PIEZO1: variants seen among roughly 807,000 people sequenced by gnomAD.
The protein encoded by PIEZO1 is piezo-type mechanosensitive ion channel component 1.
In PIEZO1, 296 loss-of-function variants were observed where a neutral mutation model predicts 297.2. That is an observed-to-expected ratio of 1.00 (90% CI 0.91 to 1.10). The LOEUF (loss-of-function observed/expected upper bound fraction) is 1.10. PIEZO1 is among the 50% of genes least tolerant of loss of function. The probability of loss-of-function intolerance (pLI) is 0.00; values close to 1 mark genes in which losing one functional copy is unlikely to be tolerated. For missense variants in PIEZO1, 5,018 were observed against 3,455.5 expected (o/e 1.45, Z -11.34); for synonymous variants, 2,427 against 1,507.5 (o/e 1.61, Z -14.13).
At chr16:88,774,121 G>A (rs1308753182) in intron 1 of PIEZO1, among the ~76,000 whole-genome samples, 1 of 152,224 alleles carries the variant, frequency 6.6e-6, no homozygotes, top group Admixed American at 6.5e-5. Context: ...CTGGGTGGGC[G>A]TGGCCTGAGC....
chr16:88,760,281 T>G (rs1033482252), intron 1 of PIEZO1, among the ~76,000 whole-genome samples: 8 of 152,026 alleles, frequency 5.3e-5, no homozygotes, highest in Non-Finnish European at 1.2e-4. Context: ...TCCATCCCAA[T>G]CCACCCCAAG....
rs561796245 is a variant in PIEZO1, at chr16:88,723,028, G to A, written c.4496-19C>T. ...CTCCGGCCTGCGGGAGGGCGGGAGG[G>A]GGCGCTGGAGGGGCAGCCTGTGGGG... On this transcript the variant is annotated intron_variant, in intron 33 of 50. Coordinates refer to ENST00000301015, the MANE Select transcript of PIEZO1 (RefSeq NM_001142864.4). 5 of 1,543,254 alleles carry A rather than the reference G, an allele frequency of 3.2e-6. No individual in the cohort carries two copies. Among genetic ancestry groups the A allele is most frequent in the African/African-American group, 2.7e-5 (2 of 73,060 alleles).
At chr16:88,736,813 CTG>C (rs2142828793) in intron 10 of PIEZO1, 74 bp from the exon 11 acceptor site, 1 of 926,146 alleles carries the variant, frequency 1.1e-6, no homozygotes, top group African/African-American at 1.7e-5. Context: ...GCCCTAAAAT[CTG>C]GGCCCTGGGC....
At chr16:88,726,679 C>G in intron 25 of PIEZO1, 36 bp from the exon 26 acceptor site, 3 of 1,546,712 alleles carry the variant, frequency 1.9e-6, no homozygotes, top group African/African-American at 2.7e-5. Context: ...CCAGCGGGGC[C>G]CCAGGGCGGT....
Position 88,737,785 on chromosome 16 carries a change from A to C in PIEZO1, c.1050T>G (p.Ala350=), listed in dbSNP as rs1436517520. The change falls in exon 9 of 51, where the codon GCT becomes GCG. Residue 350 remains alanine, a synonymous_variant. Coordinates refer to ENST00000301015, the MANE Select transcript of PIEZO1 (RefSeq NM_001142864.4). ...QRKEAAKGYE[A]RELELAELDQ... ...CCAGCTCTGCTAGCTCCAGCTCCCGAGCCTCATACCCCTTTGCCGCCTCCT... is the reference window on the plus strand; with the variant it reads ...CCAGCTCTGCTAGCTCCAGCTCCCGCGCCTCATACCCCTTTGCCGCCTCCT... The C allele has an allele frequency of 6.5e-7, 1 of 1,535,746 alleles. No individual in the cohort carries two copies. The highest frequency in any genetic ancestry group is 1.2e-5 in the South Asian group (1 of 84,058).
At chr16:88,760,020 G>A (rs983580803) in intron 1 of PIEZO1, among the ~76,000 whole-genome samples, 30 of 151,858 alleles carry the variant, frequency 2.0e-4, no homozygotes, top group African/African-American at 3.1e-4. Context: ...CTCCTTCTCC[G>A]CGCCAATCCC....
Position 88,731,721 on chromosome 16 carries a change from G to C in PIEZO1, c.3181C>G (p.Pro1061Ala), listed in dbSNP as rs748155949. The C allele has an allele frequency of 8.7e-4, 1,344 of 1,549,578 alleles. 1 individual carries two copies. The highest frequency in any genetic ancestry group is 1.1e-3 in the Non-Finnish European group (1,313 of 1,146,804). The change falls in exon 22 of 51, where the codon CCG becomes GCG. Residue 1061 changes from proline (P) to alanine (A), a missense_variant. Pro to Ala is a conservative substitution (Grantham distance 27). Coordinates refer to ENST00000301015, the MANE Select transcript of PIEZO1 (RefSeq NM_001142864.4). ...YQYLLCLGMP[P>A]ALCIDYPWRW... ...TGCCCCTCACCAATGCACAGGGCCG[G>C]GGGCATCCCCAGGCACAGCAGGTAC...
rs549847673 is a variant in PIEZO1, at chr16:88,734,332, C to T, written c.2180+24G>A. On this transcript the variant is annotated intron_variant, in intron 16 of 50. Coordinates refer to ENST00000301015, the MANE Select transcript of PIEZO1 (RefSeq NM_001142864.4). The stretch of plus-strand genomic sequence containing the variant: ...CCAGGAGGCTACACCTCTCCAGGGC[C>T]GGACAGGGAGGGCGGGGCCGCACCT... The T allele has an allele frequency of 6.0e-5, 90 of 1,490,878 alleles. 1 individual carries two copies. In the East Asian group the frequency reaches 1.0e-3, roughly 17 times the overall value. 92.4% of individuals were successfully genotyped at this position (1,490,878 alleles called of 1,614,324 possible). A position where few individuals can be genotyped will look rare whatever the true frequency, so the allele number is the denominator to read the frequency against.
At position 88,784,609 on chromosome 16, in the gene PIEZO1, G is replaced by A. The variant is rs536936505; in HGVS notation, c.64+292C>T. ...GGCCTCCTCTCCGCAGCGCCCCGGC[G>A]GAGACGCCAGCCGCGCTATGCCCGG... On this transcript the variant is annotated intron_variant, in intron 1 of 50. Coordinates refer to ENST00000301015, the MANE Select transcript of PIEZO1 (RefSeq NM_001142864.4). Among the ~76,000 whole-genome samples the A allele has an allele frequency of 8.7e-3, 1,320 of 151,884 alleles. 27 individuals are homozygous for A. The highest frequency in any genetic ancestry group is 0.03 in the African/African-American group (1,238 of 41,454).
rs1208066472 is a variant in PIEZO1 at position 88,737,759 on chromosome 16, T to A, written c.1076A>T (p.Asp359Val). The change falls in exon 9 of 51, where the codon GAC becomes GTC. Residue 359 changes from aspartate to valine, a missense_variant. Asp to Val is a radical substitution (Grantham distance 152). Transcript: ENST00000301015. ...AGACTCCCGTTCCTGGGGCCACTGG[T>A]CCAGCTCTGCTAGCTCCAGCTCCCG... Reference protein sequence around the residue: ...EARELELAELDQWPQERESDQ... With the variant: ...EARELELAELVQWPQERESDQ... 2 of 1,535,672 alleles carry A rather than the reference T, an allele frequency of 1.3e-6. No individual in the cohort carries two copies. Among genetic ancestry groups the A allele is most frequent in the Non-Finnish European group, 8.7e-7 (1 of 1,146,694 alleles).
At chr16:88,759,919 A>G (rs1041663605) in intron 1 of PIEZO1, among the ~76,000 whole-genome samples, 3 of 152,118 alleles carry the variant, frequency 2.0e-5, no homozygotes, top group East Asian at 1.9e-4. Flanking sequence ...GGCTCCCCCA[A>G]TGGAGGCCGA....
chr16:88,725,317 G>T, intron 29 of PIEZO1, 99 bp downstream of exon 29: 1 of 801,554 alleles, frequency 1.2e-6, no homozygotes, highest in Non-Finnish European at 1.9e-6. Context: ...CGGGCTGGGA[G>T]CCCTGTGGGA....
intron 21 of PIEZO1, 25 bp downstream of exon 21, chr16:88,732,310 G>T: frequency 6.5e-7 from 1 of 1,532,510 alleles, no homozygotes. Context: ...CCCTGCCCCA[G>T]GGGGAGGCAA....
chr16:88,725,634 C>G lies in PIEZO1; in HGVS notation c.4019G>C (p.Arg1340Pro). 6.5e-7 allele frequency: 1 copy of G among 1,549,462 alleles called. No individual in the cohort carries two copies. The highest frequency in any genetic ancestry group is 8.7e-7 in the Non-Finnish European group (1 of 1,145,950). Reference protein sequence around the residue: ...AANLKSIDFHRRIEEKSLAQL... With the variant: ...AANLKSIDFHPRIEEKSLAQL... ...GGCCAGGGACTTCTCCTCTATCCTG[C>G]GGTGAAAGTCAATGCTCTTGAGGTT... The change falls in exon 28 of 51, where the codon CGC (arginine) becomes CCC (proline). Residue 1340 changes from arginine to proline, a missense_variant. Coordinates refer to ENST00000301015, the MANE Select transcript of PIEZO1 (RefSeq NM_001142864.4).
chr16:88,749,064 C>T (rs113926644), intron 2 of PIEZO1, among the ~76,000 whole-genome samples: 8,110 of 151,324 alleles, frequency 0.054, 721 homozygotes, highest in African/African-American at 0.18. Context: ...GGTGAAACCC[C>T]GTCTCTACTA....
intron 1 of PIEZO1, among the ~76,000 whole-genome samples, chr16:88,764,055 G>C (rs1907054383): frequency 6.6e-6 from 1 of 152,206 alleles, no homozygotes; most frequent in Non-Finnish European, 1.5e-5. Context: ...ACCAGATGCT[G>C]AGCTGGGTCC....
At chr16:88,767,970 C>G (rs890004429) in intron 1 of PIEZO1, among the ~76,000 whole-genome samples, 1 of 152,338 alleles carries the variant, frequency 6.6e-6, no homozygotes, top group African/African-American at 2.4e-5. Context: ...CTCCCTCCCC[C>G]GGGTCCAGAC....
chr16:88,720,294 G>C lies in PIEZO1; in HGVS notation c.5950-11C>G, dbSNP rs1567660084. The C allele has an allele frequency of 6.5e-7, 1 of 1,550,266 alleles. No homozygotes were observed. On this transcript the variant is annotated splice_polypyrimidine_tract_variant and intron_variant, in intron 41 of 50. Coordinates refer to ENST00000301015, the MANE Select transcript of PIEZO1 (RefSeq NM_001142864.4). ...GGCCGCCGAGTGCTTCTGTGGCCAG[G>C]AGAGCACAGGTCAGGGGGAGCCAAG...
chr16:88,754,644 C>T (rs185418818), intron 1 of PIEZO1, among the ~76,000 whole-genome samples: 2 of 152,324 alleles, frequency 1.3e-5, no homozygotes, highest in South Asian at 2.1e-4. Flanking sequence ...AACCTGGACA[C>T]CTCATACATG....
Sources: allele counts gnomAD v4.1 joint callset (sites outside exome capture counted in the v4.1 genomes callset), GRCh38; gene constraint gnomAD v4.1.1; transcripts MANE v1.5; gene names NCBI Gene and HGNC (gene_info 2026-07-23, HGNC 2026-07-21).